Variants in ASTN2 observed in about 807,000 individuals in gnomAD.
ASTN2 encodes the protein astrotactin 2.
Under a neutral mutation model 139.8 loss-of-function variants are expected in ASTN2, and 54 were observed. The observed-to-expected ratio is 0.39, with a 90% CI of 0.31 to 0.48. The LOEUF (loss-of-function observed/expected upper bound fraction) is 0.48. ASTN2 is among the 20% of genes least tolerant of loss of function. The probability of loss-of-function intolerance (pLI) is 0.95; values close to 1 mark genes in which losing one functional copy is unlikely to be tolerated. For synonymous variants in ASTN2, 756 were observed against 719.5 expected, an observed-to-expected ratio of 1.05 and a Z score of -0.81; for missense variants, 1,565 against 1,725.1, an observed-to-expected ratio of 0.91 and a Z score of 1.64.
At chr9:116,710,294 T>C (rs1828113119) in intron 16 of ASTN2, among the ~76,000 whole-genome samples, 1 of 152,192 alleles carries the variant, frequency 6.6e-6, no homozygotes, top group South Asian at 2.1e-4. Context: ...TGATACATCT[T>C]TTCATATCTT....
chr9:116,964,256 T>TGTGTGTGCGC (rs1491183340), intron 10 of ASTN2, among the ~76,000 whole-genome samples: 57 of 98,916 alleles, frequency 5.8e-4, no homozygotes, highest in African/African-American at 1.8e-3. Context: ...TGTGTGTGTG[T>TGTGTGTGCGC]GCGCGCGCGC....
intron 3 of ASTN2, among the ~76,000 whole-genome samples, chr9:117,188,685 C>G (rs542126240): frequency 1.6e-4 from 25 of 152,244 alleles, no homozygotes; most frequent in African/African-American, 5.3e-4. Context: ...GATGAGAAAG[C>G]ATGCATAGAT....
intron 13 of ASTN2, among the ~76,000 whole-genome samples, chr9:116,781,795 G>A (rs1485774279): frequency 1.3e-5 from 2 of 152,098 alleles, no homozygotes; most frequent in East Asian, 3.9e-4. Flanking sequence ...TCAGTCCAGG[G>A]CCAGATACCT....
At chr9:117,335,452 A>G (rs1432801984) in intron 1 of ASTN2, among the ~76,000 whole-genome samples, 1 of 152,224 alleles carries the variant, frequency 6.6e-6, no homozygotes, top group Non-Finnish European at 1.5e-5. Context: ...AATTCAGTGT[A>G]GTTTTACCTG....
chr9:116,805,571 C>T (rs1831008353), intron 13 of ASTN2, 61 bp downstream of exon 13: 6 of 1,533,090 alleles, frequency 3.9e-6, no homozygotes, highest in Non-Finnish European at 5.4e-6. Context: ...TGGCTTCCTC[C>T]CTGTGCCCAG....
intron 4 of ASTN2, among the ~76,000 whole-genome samples, chr9:117,103,670 A>G (rs1382446463): frequency 6.6e-6 from 1 of 152,160 alleles, no homozygotes; most frequent in Non-Finnish European, 1.5e-5. Context: ...GTGACATGTT[A>G]AATTATTCAG....
intron 19 of ASTN2, among the ~76,000 whole-genome samples, chr9:116,509,012 T>C (rs1206493380): frequency 3.3e-5 from 5 of 152,252 alleles, no homozygotes; most frequent in African/African-American, 1.2e-4. Context: ...TTTTTATATA[T>C]ATATTTTTAA....
Position 117,060,390 on chromosome 9 carries a change from GAAA to G in ASTN2, c.1277-20428_1277-20426del, listed in dbSNP as rs1839223246. 2.7e-4 allele frequency among the ~76,000 whole-genome samples: 20 copies of G among 73,702 alleles called. 1 individual carries two copies. The highest frequency in any genetic ancestry group is 9.1e-4 in the African/African-American group (13 of 14,258). The allele number at this position is 73,702 out of a possible 152,430, so 48.4% of individuals were successfully genotyped here. A position where few individuals can be genotyped will look rare whatever the true frequency, so the allele number is the denominator to read the frequency against. ...AGAAAGAAAGAAAGAAAGAAAGAAA[GAAA>G]GAAAGAAAGAAAGAAAGAAGGAAAG... On this transcript the variant is annotated intron_variant, in intron 5 of 22. Transcript: ENST00000313400.
intron 10 of ASTN2, among the ~76,000 whole-genome samples, chr9:116,932,330 G>C (rs1471807601): frequency 6.6e-6 from 1 of 152,158 alleles, no homozygotes; most frequent in African/African-American, 2.4e-5. Context: ...AAACAGCCTG[G>C]TAGTGGACCC....
intron 3 of ASTN2, among the ~76,000 whole-genome samples, chr9:117,177,218 T>A (rs1830938687): frequency 6.6e-6 from 1 of 152,226 alleles, no homozygotes; most frequent in Non-Finnish European, 1.5e-5. Flanking sequence ...AAACAGTACC[T>A]GTATAGGCCA....
At chr9:116,877,363 G>A (rs1359177729) in intron 10 of ASTN2, among the ~76,000 whole-genome samples, 1 of 152,120 alleles carries the variant, frequency 6.6e-6, no homozygotes, top group Non-Finnish European at 1.5e-5. Context: ...GGTAGTTATT[G>A]GAACAGTCAC....
Position 116,957,967 on chromosome 9 carries a change from C to T in ASTN2, c.1889+17241G>A, listed in dbSNP as rs116752343. Among the ~76,000 whole-genome samples the T allele has an allele frequency of 4.1e-3, 619 of 152,292 alleles. 3 individuals carry two copies. The highest frequency in any genetic ancestry group is 0.014 in the African/African-American group (597 of 41,558). On this transcript the variant is annotated intron_variant, in intron 10 of 22. Transcript: ENST00000313400. Reference sequence around the variant, plus strand: ...ATACTGGGATTGCAGGTGTGAGCCACCCCGCCTGGCCTAGATTCAGATTAT... The same window carrying T: ...ATACTGGGATTGCAGGTGTGAGCCATCCCGCCTGGCCTAGATTCAGATTAT...
chr9:116,567,758 C>A (rs1480058979), intron 19 of ASTN2, among the ~76,000 whole-genome samples: 1 of 152,102 alleles, frequency 6.6e-6, no homozygotes, highest in Admixed American at 6.5e-5. Context: ...CAGGACAGAT[C>A]ATACTACTAG....
chr9:117,231,720 G>A (rs1042943682), intron 2 of ASTN2, among the ~76,000 whole-genome samples: 3 of 152,114 alleles, frequency 2.0e-5, no homozygotes, highest in Non-Finnish European at 2.9e-5. Context: ...AAGGGAGCAT[G>A]GAAAGGAGGG....
intron 10 of ASTN2, among the ~76,000 whole-genome samples, chr9:116,876,645 C>T (rs1319644920): frequency 6.6e-6 from 1 of 152,214 alleles, no homozygotes; most frequent in African/African-American, 2.4e-5. Context: ...GTAACTACCA[C>T]CCTGATCAGT....
At chr9:116,930,671 G>A (rs1308311372) in intron 10 of ASTN2, among the ~76,000 whole-genome samples, 1 of 152,104 alleles carries the variant, frequency 6.6e-6, no homozygotes, top group Admixed American at 6.5e-5. Flanking sequence ...CAAAGCAAAA[G>A]CTCAGTAGAA....
At chr9:117,154,461 A>G (rs2132886589) in intron 3 of ASTN2, among the ~76,000 whole-genome samples, 1 of 152,156 alleles carries the variant, frequency 6.6e-6, no homozygotes, top group Non-Finnish European at 1.5e-5. Context: ...ATGGCACTCA[A>G]GTTCCATGTT....
intron 10 of ASTN2, among the ~76,000 whole-genome samples, chr9:116,957,901 G>A (rs1006008455): frequency 2.6e-5 from 4 of 152,220 alleles, no homozygotes; most frequent in Admixed American, 6.5e-5. Flanking sequence ...GGATGGTCTC[G>A]ATCTCCTGAC....
intron 2 of ASTN2, among the ~76,000 whole-genome samples, chr9:117,244,247 T>G (rs1387092913): frequency 6.6e-6 from 1 of 152,156 alleles, no homozygotes; most frequent in African/African-American, 2.4e-5. Flanking sequence ...TTGGGTACTT[T>G]GTTATAGCAG....
Sources: gnomAD v4.1 joint callset for allele counts (sites outside exome capture counted in the v4.1 genomes callset) on GRCh38, gnomAD v4.1.1 for gene constraint, MANE v1.5 for transcripts, NCBI Gene and HGNC (gene_info 2026-07-23, HGNC 2026-07-21) for gene names.